Variants in DUS4L observed in about 807,000 individuals in gnomAD.
DUS4L encodes dihydrouridine synthase 4 like.
A neutral mutation model predicts 33.8 loss-of-function variants in DUS4L; 31 were observed. That is an observed-to-expected ratio of 0.92 (90% CI 0.69 to 1.24). The LOEUF (loss-of-function observed/expected upper bound fraction) is 1.24, where lower values mean the gene tolerates loss of function less well. Among genes scored for constraint, DUS4L ranks in the 50% most tolerant of loss-of-function variants. The probability of loss-of-function intolerance (pLI) is 0.00; values close to 1 mark genes in which losing one functional copy is unlikely to be tolerated. For synonymous variants in DUS4L, 103 were observed against 120.3 expected (o/e 0.86, Z 0.94); for missense variants, 368 against 388.6 (o/e 0.95, Z 0.45).
intron 1 of DUS4L, 172 bp downstream of exon 1, chr7:107,564,381 A>G: frequency 8.5e-6 from 2 of 234,588 alleles, no homozygotes; most frequent in South Asian, 1.2e-4. Context: ...TATCTGTTCC[A>G]CGCCTTGATT....
At position 107,577,551 on chromosome 7, in the gene DUS4L, T is replaced by C. The variant is rs1269217158; in HGVS notation, c.945T>C (p.Tyr315=). ...SAIIDYLTDH[Y]GI Reference sequence around the variant, plus strand: ...TCATAGATTACCTTACAGACCATTATGGCATTTGACTAGACTTCCCAAATA... The same window carrying C: ...TCATAGATTACCTTACAGACCATTACGGCATTTGACTAGACTTCCCAAATA... The change falls in exon 8 of 8, where the codon TAT becomes TAC. Residue 315 remains tyrosine, a synonymous_variant. Transcript: ENST00000265720. 1.2e-6 allele frequency: 2 copies of C among 1,612,992 alleles called. No homozygotes were observed. Among genetic ancestry groups the C allele is most frequent in the East Asian group, 2.2e-5 (1 of 44,864 alleles).
chr7:107,565,196 G>A (rs574971963), intron 2 of DUS4L, among the ~76,000 whole-genome samples: 13 of 152,254 alleles, frequency 8.5e-5, no homozygotes, highest in African/African-American at 3.1e-4. Context: ...TTCATACAGC[G>A]AAAGTTTTGA....
intron 2 of DUS4L, among the ~76,000 whole-genome samples, chr7:107,566,126 C>T (rs1584983149): frequency 6.6e-6 from 1 of 152,124 alleles, no homozygotes; most frequent in Non-Finnish European, 1.5e-5. Context: ...GTGCTTCCAG[C>T]GGTTTCTTGC....
In DUS4L at chr7:107,564,139, T is replaced by A. The variant is rs1161579749; in HGVS notation, c.-181T>A. The A allele has an allele frequency of 2.4e-6, 2 of 833,296 alleles. No homozygotes were observed. The highest frequency in any genetic ancestry group is 5.4e-5 in the East Asian group (2 of 37,358). The allele number at this position is 833,296 out of a possible 1,614,324, so 51.6% of individuals were successfully genotyped here. On this transcript the variant is annotated 5_prime_UTR_variant, in exon 1 of 8. Transcript: ENST00000265720. ...GGAGCCAAGGCCGTCGGGCCGGCGCTTTCAGCTGTCTCTCGCAGCAGCTCA... is the reference window on the plus strand; with the variant it reads ...GGAGCCAAGGCCGTCGGGCCGGCGCATTCAGCTGTCTCTCGCAGCAGCTCA...
At chr7:107,574,832 A>G (rs1293042108) in intron 5 of DUS4L, 4 of 307,766 alleles carry the variant, frequency 1.3e-5, no homozygotes, top group South Asian at 5.7e-5. Context: ...TCTTTCTACT[A>G]TTGAGACTAA....
At chr7:107,573,270 G>T (rs527919045) in intron 4 of DUS4L, among the ~76,000 whole-genome samples, 4 of 152,266 alleles carry the variant, frequency 2.6e-5, no homozygotes, top group Non-Finnish European at 1.5e-5. Flanking sequence ...TGGTCCATCC[G>T]TACAGCGGAA....
intron 2 of DUS4L, 46 bp from the exon 3 acceptor site, chr7:107,567,004 A>G (rs1804769496): frequency 2.3e-6 from 3 of 1,305,028 alleles, no homozygotes; most frequent in African/African-American, 1.5e-5. Flanking sequence ...TGGAATTAAT[A>G]TAGTGAAAAC....
At chr7:107,573,883 G>A in intron 5 of DUS4L, 62 bp downstream of exon 5, 4 of 1,406,088 alleles carry the variant, frequency 2.8e-6, no homozygotes, top group Admixed American at 2.8e-5. Flanking sequence ...GTGTGAACAT[G>A]GTAAAATATC....
chr7:107,572,714 G>A (rs1287588562), intron 4 of DUS4L, among the ~76,000 whole-genome samples: 1 of 152,018 alleles, frequency 6.6e-6, no homozygotes, highest in African/African-American at 2.4e-5. Context: ...GCTGGCCATG[G>A]TGGCAGGTGC....
At chr7:107,576,675 G>T in intron 7 of DUS4L, 83 bp downstream of exon 7, 1 of 1,317,282 alleles carries the variant, frequency 7.6e-7, no homozygotes, top group East Asian at 2.5e-5. Context: ...ATTTTCATTT[G>T]TTTTGTTTAA....
In DUS4L at chr7:107,577,708, C is replaced by T; in HGVS notation, c.*148C>T. ...TTTTTTAAAAATCAGTTGTAGACAC[C>T]ACCCTCAGAGATTCTGATTAGGTAG... On this transcript the variant is annotated 3_prime_UTR_variant, in exon 8 of 8. Coordinates refer to ENST00000265720, the MANE Select transcript of DUS4L (RefSeq NM_181581.3). 1.3e-6 allele frequency: 1 copy of T among 762,632 alleles called. No homozygotes were observed. The highest frequency in any genetic ancestry group is 2.0e-6 in the Non-Finnish European group (1 of 495,070). 47.2% of individuals were successfully genotyped at this position (762,632 alleles called of 1,614,324 possible). A position where few individuals can be genotyped will look rare whatever the true frequency, so the allele number is the denominator to read the frequency against.
intron 3 of DUS4L, chr7:107,570,514 T>G (rs576515118): frequency 6.5e-6 from 1 of 152,692 alleles, no homozygotes; most frequent in East Asian, 1.9e-4. Context: ...CAGGCTCCCC[T>G]TGTGGCCTCC....
In DUS4L at chr7:107,564,157, G is replaced by C. The variant is rs997899485; in HGVS notation, c.-163G>C. On this transcript the variant is annotated 5_prime_UTR_variant, in exon 1 of 8. Coordinates refer to ENST00000265720, the MANE Select transcript of DUS4L (RefSeq NM_181581.3). ...CCGGCGCTTTCAGCTGTCTCTCGCA[G>C]CAGCTCAGGGCCGCGCCCCCTGGGC... 1 of 688,188 alleles carries C rather than the reference G, an allele frequency of 1.5e-6. No individual in the cohort carries two copies. Among genetic ancestry groups the C allele is most frequent in the Non-Finnish European group, 2.4e-6 (1 of 415,870 alleles). The allele number at this position is 688,188 out of a possible 1,614,324, so 42.6% of individuals were successfully genotyped here.
In DUS4L at chr7:107,571,725, C is replaced by G. The variant is rs572556728; in HGVS notation, c.238+459C>G. ...GGTCCAGCAATCTGTGTTTTAAAAG[C>G]TCTCCAGGTAATTCTGAGCTTGTTA... On this transcript the variant is annotated intron_variant, in intron 4 of 7. Transcript: ENST00000265720. 7.2e-5 allele frequency among the ~76,000 whole-genome samples: 11 copies of G among 152,322 alleles called. No individual in the cohort carries two copies. The East Asian group carries it at 9.6e-4, about 13-fold the overall frequency.
intron 7 of DUS4L, 174 bp from the exon 8 acceptor site, chr7:107,577,139 A>G (rs959217992): frequency 5.6e-6 from 5 of 892,360 alleles, no homozygotes; most frequent in African/African-American, 3.4e-5. Flanking sequence ...CCTGGTTTAC[A>G]AAAGGTACCA....
intron 4 of DUS4L, 99 bp from the exon 5 acceptor site, chr7:107,573,605 G>A (rs770892111): frequency 5.1e-5 from 59 of 1,161,866 alleles, no homozygotes; most frequent in Middle Eastern, 2.1e-4. Flanking sequence ...CTAAAAAATC[G>A]TTATTGCTAT....
chr7:107,571,952 C>G (rs951047393), intron 4 of DUS4L, among the ~76,000 whole-genome samples: 2 of 152,040 alleles, frequency 1.3e-5, no homozygotes, highest in Non-Finnish European at 2.9e-5. Context: ...ACCAGACCCC[C>G]TCTCTCTCTT....
At chr7:107,575,073 G>A in intron 5 of DUS4L, 115 bp from the exon 6 acceptor site, 4 of 1,376,628 alleles carry the variant, frequency 2.9e-6, no homozygotes, top group Non-Finnish European at 4.1e-6. Flanking sequence ...TTTTATATCT[G>A]CTTCTCTTCC....
chr7:107,577,235 C>T (rs1228156842), intron 7 of DUS4L, 78 bp from the exon 8 acceptor site: 1 of 1,555,260 alleles, frequency 6.4e-7, no homozygotes, highest in Non-Finnish European at 8.7e-7. Flanking sequence ...TAAAAATATA[C>T]TGTTTGCTTC....
Sources: allele counts gnomAD v4.1 joint callset (sites outside exome capture counted in the v4.1 genomes callset), GRCh38; gene constraint gnomAD v4.1.1; transcripts MANE v1.5; gene names NCBI Gene and HGNC (gene_info 2026-07-23, HGNC 2026-07-21).